Variants in SORCS1 observed in about 807,000 individuals in gnomAD.
The protein encoded by SORCS1 is VPS10 domain-containing receptor SorCS1.
A neutral mutation model predicts 146.1 loss-of-function variants in SORCS1; 60 were observed. The ratio of observed to expected loss-of-function variants is 0.41; its 90% CI spans 0.33 to 0.51. SORCS1 has a LOEUF of 0.51. SORCS1 is among the 20% of genes least tolerant of loss of function. SORCS1 has a pLI of 0.21. For missense variants in SORCS1, 1,352 were observed against 1,487.6 expected (o/e 0.91, Z 1.50); for synonymous variants, 637 against 584.0 (o/e 1.09, Z -1.31).
At chr10:106,770,914 G>A (rs752906216) in intron 4 of SORCS1, among the ~76,000 whole-genome samples, 1 of 152,140 alleles carries the variant, frequency 6.6e-6, no homozygotes, top group African/African-American at 2.4e-5. Context: ...GGTCTTGAAC[G>A]TCCACAAGGG....
In SORCS1 at chr10:106,592,666, CT is replaced by C. The variant is rs970440733; in HGVS notation, c.3265+4684del. Among the ~76,000 whole-genome samples the C allele has an allele frequency of 1.8e-4, 26 of 148,198 alleles. 1 individual carries two copies. The East Asian group carries it at 1.8e-3, about 10-fold the overall frequency. On this transcript the variant is annotated intron_variant, in intron 24 of 25. Transcript: ENST00000263054. ...ACATGAAATGTTGCTAACAATGGTTCTTTTTTTTTTCTTTTAATTTTTATTT... is the reference window on the plus strand; with the variant it reads ...ACATGAAATGTTGCTAACAATGGTTCTTTTTTTTTCTTTTAATTTTTATTT...
At chr10:106,708,004 T>C (rs1001363104) in intron 7 of SORCS1, among the ~76,000 whole-genome samples, 1 of 152,216 alleles carries the variant, frequency 6.6e-6, no homozygotes, top group Non-Finnish European at 1.5e-5. Context: ...AGGATGTTCA[T>C]GGTGGCATGG....
At chr10:107,157,583 G>T (rs1473130015) in intron 1 of SORCS1, among the ~76,000 whole-genome samples, 1 of 152,208 alleles carries the variant, frequency 6.6e-6, no homozygotes, top group African/African-American at 2.4e-5. Flanking sequence ...ATTCAGGAGT[G>T]CTATAGAAAT....
Position 107,164,219 on chromosome 10 carries a change from G to T in SORCS1, c.308C>A (p.Ala103Glu). 1 of 1,607,958 alleles carries T rather than the reference G, an allele frequency of 6.2e-7. No homozygotes were observed. The highest frequency in any genetic ancestry group is 8.5e-7 in the Non-Finnish European group (1 of 1,179,568). ...RGTGASMAVA[A>E]RSGRRRRSGA... ...GCTCCGTCTCCTCCGGCCGGAGCGT[G>T]CAGCAACCGCCATGGATGCCCCAGT... is the stretch of plus-strand genomic sequence containing the variant. Residue 103 changes from alanine to glutamate, a missense_variant, in exon 1 of 26, where the codon GCA (alanine) becomes GAA (glutamate). Ala to Glu is a moderately radical substitution (Grantham distance 107, BLOSUM62 -1). Transcript: ENST00000263054. The surrounding 1 kb of genome is among the most constrained non-coding windows in gnomAD (Gnocchi z 6.8).
At chr10:106,839,041 A>C (rs1948909487) in intron 2 of SORCS1, among the ~76,000 whole-genome samples, 1 of 151,584 alleles carries the variant, frequency 6.6e-6, no homozygotes, top group African/African-American at 2.4e-5. Flanking sequence ...CTTTCCTCCC[A>C]CCCCTCAGGC....
chr10:106,589,936 A>G (rs1845500324), intron 24 of SORCS1, among the ~76,000 whole-genome samples: 1 of 152,126 alleles, frequency 6.6e-6, no homozygotes, highest in African/African-American at 2.4e-5. Flanking sequence ...TCAAATTTGC[A>G]TTAATAAAAT....
Position 106,926,252 on chromosome 10 carries a change from G to A in SORCS1, c.626+30261C>T, listed in dbSNP as rs1476678575. Among the ~76,000 whole-genome samples, 4 of 152,170 alleles carry A rather than the reference G, an allele frequency of 2.6e-5. No individual in the cohort carries two copies. The East Asian group carries it at 7.7e-4, about 29-fold the overall frequency. The stretch of plus-strand genomic sequence containing the variant: ...TTAATGTTTTTAAGATAAAAATAAA[G>A]TAAATCCATACAAGCCATTATGCAG... On this transcript the variant is annotated intron_variant, in intron 2 of 25. Coordinates refer to ENST00000263054, the MANE Select transcript of SORCS1 (RefSeq NM_052918.5).
intron 1 of SORCS1, among the ~76,000 whole-genome samples, chr10:106,986,085 T>C (rs917760446): frequency 3.3e-5 from 5 of 152,174 alleles, no homozygotes; most frequent in African/African-American, 1.2e-4. Flanking sequence ...AAATGAATTG[T>C]GGAACAATGA....
At chr10:106,667,047 G>A (rs1851215081) in intron 17 of SORCS1, 1 of 152,144 alleles carries the variant, frequency 6.6e-6, no homozygotes, top group African/African-American at 2.4e-5. Flanking sequence ...CTATTTTAAA[G>A]TTTATAGATA....
intron 1 of SORCS1, among the ~76,000 whole-genome samples, chr10:106,963,758 T>C (rs116562716): frequency 0.027 from 4,143 of 152,210 alleles, 130 homozygotes; most frequent in African/African-American, 0.076. Context: ...GCTCCAAAAT[T>C]CTGCAGATTT....
At chr10:106,820,414 A>C (rs1260250369) in intron 3 of SORCS1, among the ~76,000 whole-genome samples, 4 of 152,208 alleles carry the variant, frequency 2.6e-5, no homozygotes, top group African/African-American at 9.6e-5. Flanking sequence ...AGGACCCAGT[A>C]AAGTAGGGAA....
chr10:106,679,296 CTGA>C lies in SORCS1; in HGVS notation c.1697_1699del (p.Ile566del). The stretch of plus-strand genomic sequence containing the variant: ...CCCTGCATCTGAAGAGACAAACATG[CTGA>C]TGTCAGTGTCTGACAATTCAGAACC... On this transcript the variant is annotated inframe_deletion, in exon 12 of 26. Coordinates refer to ENST00000263054, the MANE Select transcript of SORCS1 (RefSeq NM_052918.5). 1 of 1,613,378 alleles carries C rather than the reference CTGA, an allele frequency of 6.2e-7. No individual in the cohort carries two copies. Among genetic ancestry groups the C allele is most frequent in the East Asian group, 2.2e-5 (1 of 44,848 alleles).
intron 5 of SORCS1, among the ~76,000 whole-genome samples, chr10:106,740,242 T>A (rs1020141802): frequency 6.6e-6 from 1 of 152,132 alleles, no homozygotes; most frequent in African/African-American, 2.4e-5. Context: ...TTCCCACACC[T>A]CAGTGAATCA....
intron 1 of SORCS1, among the ~76,000 whole-genome samples, chr10:107,012,220 T>C (rs1173806757): frequency 6.6e-6 from 1 of 152,222 alleles, no homozygotes; most frequent in Non-Finnish European, 1.5e-5. Flanking sequence ...GGAATAGCCT[T>C]GGGTATCAAT....
chr10:107,159,517 G>C (rs1354652431), intron 1 of SORCS1, among the ~76,000 whole-genome samples: 1 of 151,962 alleles, frequency 6.6e-6, no homozygotes, highest in Non-Finnish European at 1.5e-5. Context: ...AGCATTTATT[G>C]AGCATTTACT....
At chr10:107,078,321 G>T (rs1244470816) in intron 1 of SORCS1, among the ~76,000 whole-genome samples, 1 of 152,122 alleles carries the variant, frequency 6.6e-6, no homozygotes, top group Non-Finnish European at 1.5e-5. Flanking sequence ...AAATAAAAAA[G>T]ATTACTCATT....
At chr10:106,617,383 T>C (rs557750064) in intron 21 of SORCS1, among the ~76,000 whole-genome samples, 2 of 152,304 alleles carry the variant, frequency 1.3e-5, no homozygotes, top group African/African-American at 4.8e-5. Context: ...AGGATTCATA[T>C]GTACCATTTC....
chr10:106,661,344 G>A (rs770114633), intron 17 of SORCS1, among the ~76,000 whole-genome samples: 1 of 152,182 alleles, frequency 6.6e-6, no homozygotes, highest in South Asian at 2.1e-4. Context: ...ACGTGCTTTG[G>A]TGTACAGTGC....
At chr10:107,047,296 T>C (rs1260616627) in intron 1 of SORCS1, among the ~76,000 whole-genome samples, 1 of 152,196 alleles carries the variant, frequency 6.6e-6, no homozygotes, top group Non-Finnish European at 1.5e-5. Context: ...GCCAGCATTC[T>C]GTTTTATTTT....
Sources: allele counts gnomAD v4.1 joint callset (sites outside exome capture counted in the v4.1 genomes callset), GRCh38; gene constraint gnomAD v4.1.1; non-coding constraint Gnocchi (gnomAD v3.1); transcripts MANE v1.5; gene names NCBI Gene and HGNC (gene_info 2026-07-23, HGNC 2026-07-21).